MYO1E: variants seen among roughly 807,000 people sequenced by gnomAD.
The protein encoded by MYO1E is unconventional myosin-Ie.
MYO1E carries 68 observed loss-of-function variants against 151.1 expected under a neutral mutation model. That is an observed-to-expected ratio of 0.45 (90% CI 0.37 to 0.55). The LOEUF is 0.55. Ranked by LOEUF, MYO1E falls within the 20% of genes least tolerant of loss-of-function variation. The probability of loss-of-function intolerance (pLI) is 0.00; values close to 1 mark genes in which losing one functional copy is unlikely to be tolerated. For synonymous variants in MYO1E, 601 were observed against 501.7 expected (o/e 1.20, Z -2.64); for missense variants, 1,363 against 1,389.3 (o/e 0.98, Z 0.30).
chr15:59,142,878 G>A (rs1278667291), intron 26 of MYO1E, among the ~76,000 whole-genome samples: 1 of 131,604 alleles, frequency 7.6e-6, no homozygotes, highest in African/African-American at 2.9e-5. Flanking sequence ...CACCACTTCT[G>A]TCCAATATTA....
intron 1 of MYO1E, among the ~76,000 whole-genome samples, chr15:59,274,928 C>T (rs1321423656): frequency 6.6e-6 from 1 of 152,146 alleles, no homozygotes; most frequent in Non-Finnish European, 1.5e-5. Context: ...GACTCATTTT[C>T]CAGTCTGCTG....
At chr15:59,371,999 C>T (rs1369001487) in intron 1 of MYO1E, among the ~76,000 whole-genome samples, 18 of 149,674 alleles carry the variant, frequency 1.2e-4, no homozygotes, top group Non-Finnish European at 2.2e-4. Flanking sequence ...GGGACAGCTG[C>T]GGGCGCTGCC....
chr15:59,238,875 T>C (rs1156829048), intron 4 of MYO1E, among the ~76,000 whole-genome samples: 2 of 151,966 alleles, frequency 1.3e-5, no homozygotes, highest in Admixed American at 1.3e-4. Context: ...CTGGCTCTTT[T>C]TCCTTTTCAT....
chr15:59,259,655 T>C (rs996686875), intron 3 of MYO1E, among the ~76,000 whole-genome samples: 19 of 152,208 alleles, frequency 1.2e-4, no homozygotes, highest in African/African-American at 4.6e-4. Context: ...AAGCAAGCTA[T>C]GGGCAGTGGG....
intron 26 of MYO1E, among the ~76,000 whole-genome samples, chr15:59,149,738 TGA>T (rs1227960593): frequency 2.0e-5 from 3 of 152,104 alleles, no homozygotes; most frequent in Non-Finnish European, 4.4e-5. Flanking sequence ...CACTGAGGGA[TGA>T]GAGAGAGGAA....
intron 1 of MYO1E, among the ~76,000 whole-genome samples, chr15:59,349,263 T>G (rs1400784213): frequency 6.6e-6 from 1 of 152,184 alleles, no homozygotes; most frequent in African/African-American, 2.4e-5. Flanking sequence ...TGCATATGCC[T>G]CCTATATTTT....
chr15:59,252,551 C>CCT (rs2080171203), intron 4 of MYO1E, among the ~76,000 whole-genome samples: 1 of 152,142 alleles, frequency 6.6e-6, no homozygotes, highest in Non-Finnish European at 1.5e-5. Context: ...CCCGTCTCTA[C>CCT]TGAAAATACA....
Position 59,153,741 on chromosome 15 carries a change from C to T in MYO1E, c.2929G>A (p.Ala977Thr). 1 of 1,614,112 alleles carries T rather than the reference C, an allele frequency of 6.2e-7. No individual in the cohort carries two copies. Among genetic ancestry groups the T allele is most frequent in the Non-Finnish European group, 8.5e-7 (1 of 1,179,992 alleles). Residue 977 changes from alanine (A) to threonine (T), a missense_variant, in exon 26 of 28, where the codon GCT becomes ACT. Physicochemically the swap from Ala to Thr is moderately conservative, Grantham distance 58. Coordinates refer to ENST00000288235, the MANE Select transcript of MYO1E (RefSeq NM_004998.4). ...IRNQYVPYPHAPGSQRSNQKS... is the reference protein window; with the variant it reads ...IRNQYVPYPHTPGSQRSNQKS... ...TGATTGGACCTCTGGCTTCCAGGAG[C>T]ATGGGGATATGGCACATACTGGTTT... is the stretch of plus-strand genomic sequence containing the variant.
Position 59,231,844 on chromosome 15 carries a change from G to A in MYO1E, c.421-53C>T, listed in dbSNP as rs2306783. 0.17 allele frequency: 275,942 copies of A among 1,586,566 alleles called. 30,523 individuals are homozygous for A. Among genetic ancestry groups the A allele is most frequent in the East Asian group, 0.49 (22,016 of 44,642 alleles). ...GGAAGGTGTGAACACCTACCACACA[G>A]TGTACGCCAAACTTTCTCTAAGGAC... On this transcript the variant is annotated intron_variant, in intron 5 of 27. Coordinates refer to ENST00000288235, the MANE Select transcript of MYO1E (RefSeq NM_004998.4).
chr15:59,173,575 G>T (rs1465944065), intron 21 of MYO1E, among the ~76,000 whole-genome samples, 171 bp downstream of exon 21: 1 of 152,180 alleles, frequency 6.6e-6, no homozygotes, highest in African/African-American at 2.4e-5. Flanking sequence ...AATGTTAACA[G>T]TGAATGTTTC....
At chr15:59,184,825 A>G (rs1488758959) in intron 18 of MYO1E, among the ~76,000 whole-genome samples, 5 of 152,192 alleles carry the variant, frequency 3.3e-5, no homozygotes, top group African/African-American at 1.2e-4. Context: ...TTGCTGGATC[A>G]TATGGTAGCT....
chr15:59,338,756 C>T (rs909096775), intron 1 of MYO1E, among the ~76,000 whole-genome samples: 9 of 152,140 alleles, frequency 5.9e-5, no homozygotes, highest in African/African-American at 1.2e-4. Flanking sequence ...TGCAAGAGAA[C>T]CAAAGACAGG....
chr15:59,171,396 T>C (rs6494072), intron 22 of MYO1E: 156,639 of 176,562 alleles, frequency 0.89, 71,006 homozygotes, highest in East Asian at 0.99. Flanking sequence ...TGCCTGAGAA[T>C]TGGAGCGAAG....
At chr15:59,216,110 T>C (rs7163060) in intron 10 of MYO1E, among the ~76,000 whole-genome samples, 3,155 of 152,320 alleles carry the variant, frequency 0.021, 114 homozygotes, top group African/African-American at 0.073. Flanking sequence ...TTAAGCCGTA[T>C]AAATGTTAGT....
rs1434808628 is a variant in MYO1E at position 59,135,233 on chromosome 15, A to T, written c.*2147T>A. On this transcript the variant is annotated 3_prime_UTR_variant, in exon 28 of 28. Coordinates refer to ENST00000288235, the MANE Select transcript of MYO1E (RefSeq NM_004998.4). ...ATGAGGGTGTTACTCGTGGGGGTTT[A>T]ACTCAGTCCCTGTTTTGTGACCTAG... 1 of 152,178 alleles carries T rather than the reference A, an allele frequency of 6.6e-6. No homozygotes were observed. Among genetic ancestry groups the T allele is most frequent in the Non-Finnish European group, 1.5e-5 (1 of 68,052 alleles). The allele number at this position is 152,178 out of a possible 1,614,324, so 9.4% of individuals were successfully genotyped here.
In MYO1E at chr15:59,178,478, A is replaced by G. The variant is rs2079638866; in HGVS notation, c.1964T>C (p.Val655Ala). ...GTTGACCGACTGCAGCAGGTGCAGG[A>G]CGCCTTGCTTCTCCTCTCCCTGCCA... The part of the protein sequence containing the change: ...PSWQGEEKQG[V>A]LHLLQSVNMD... The change falls in exon 19 of 28, where the codon GTC becomes GCC. Residue 655 changes from valine (V) to alanine (A), a missense_variant. Coordinates refer to ENST00000288235, the MANE Select transcript of MYO1E (RefSeq NM_004998.4). The G allele has an allele frequency of 6.2e-7, 1 of 1,614,062 alleles. No individual in the cohort carries two copies. The highest frequency in any genetic ancestry group is 8.5e-7 in the Non-Finnish European group (1 of 1,180,028).
rs190012404 is a variant in MYO1E, at chr15:59,136,000, G to C, written c.*1380C>G. ...AAACAGCGAAATGTATTGCCTCACA[G>C]TTCTGGAGGTTGGAAGTCCAAGACC... On this transcript the variant is annotated 3_prime_UTR_variant, in exon 28 of 28. Transcript: ENST00000288235. 6.6e-6 allele frequency: 1 copy of C among 152,416 alleles called. No individual in the cohort carries two copies. The highest frequency in any genetic ancestry group is 1.5e-5 in the Non-Finnish European group (1 of 68,116). 9.4% of individuals were successfully genotyped at this position (152,416 alleles called of 1,614,324 possible). A position where few individuals can be genotyped will look rare whatever the true frequency, so the allele number is the denominator to read the frequency against.
At chr15:59,262,618 T>G (rs1038973382) in intron 2 of MYO1E, among the ~76,000 whole-genome samples, 3 of 152,142 alleles carry the variant, frequency 2.0e-5, no homozygotes, top group Admixed American at 6.5e-5. Flanking sequence ...GTCACCGCAT[T>G]CCAGCCTGGG....
At chr15:59,327,163 G>A (rs1269249769) in intron 1 of MYO1E, among the ~76,000 whole-genome samples, 1 of 152,084 alleles carries the variant, frequency 6.6e-6, no homozygotes, top group East Asian at 1.9e-4. Context: ...CTCCATGCAG[G>A]AGTCTCCCAT....
Sources: allele counts gnomAD v4.1 joint callset (sites outside exome capture counted in the v4.1 genomes callset), GRCh38; gene constraint gnomAD v4.1.1; transcripts MANE v1.5; gene names NCBI Gene and HGNC (gene_info 2026-07-23, HGNC 2026-07-21).